The following CACNA1E variants were observed in gnomAD, a reference collection of about 807,000 sequenced individuals.
The protein encoded by CACNA1E is voltage-dependent R-type calcium channel subunit alpha-1E.
In CACNA1E, 40 loss-of-function variants were observed where a neutral mutation model predicts 259.2. The ratio of observed to expected loss-of-function variants is 0.15; its 90% confidence interval spans 0.12 to 0.20. The LOEUF is 0.20. Ranked by LOEUF, CACNA1E falls within the 10% of genes least tolerant of loss-of-function variation. CACNA1E has a pLI of 1.00. For synonymous variants in CACNA1E, 1,104 were observed against 1,138.5 expected, an observed-to-expected ratio of 0.97 and a Z score of 0.61; for missense variants, 1,874 against 3,040.1, an observed-to-expected ratio of 0.62 and a Z score of 9.02.
At chr1:181,639,892 G>A (rs1473401667) in intron 6 of CACNA1E, among the ~76,000 whole-genome samples, 1 of 152,142 alleles carries the variant, frequency 6.6e-6, no homozygotes, top group Non-Finnish European at 1.5e-5. Flanking sequence ...AAGAGAAGGG[G>A]GTTGGGAATG....
At chr1:181,562,896 C>A (rs1649461377) in intron 3 of CACNA1E, among the ~76,000 whole-genome samples, 1 of 152,162 alleles carries the variant, frequency 6.6e-6, no homozygotes, top group East Asian at 1.9e-4. Flanking sequence ...GCTTGCATAG[C>A]TCTATCAAAT....
chr1:181,519,401 T>C (rs1447030022), intron 3 of CACNA1E, among the ~76,000 whole-genome samples: 1 of 151,964 alleles, frequency 6.6e-6, no homozygotes, highest in Non-Finnish European at 1.5e-5. Flanking sequence ...ATATAATGAG[T>C]GCAGAGTGGT....
upstream of CACNA1E, among the ~76,000 whole-genome samples, chr1:181,479,674 C>T (rs2102446907): frequency 6.6e-6 from 1 of 152,290 alleles, no homozygotes; most frequent in South Asian, 2.1e-4. Context: ...GGATGGTAAG[C>T]ATAGCATTTC....
intron 3 of CACNA1E, among the ~76,000 whole-genome samples, chr1:181,520,808 G>A (rs1184868099): frequency 2.0e-5 from 3 of 152,084 alleles, no homozygotes; most frequent in Admixed American, 6.5e-5. Context: ...TTCTAACAAG[G>A]AAAATGTTAC....
chr1:181,736,575 G>C (rs1572747102), intron 22 of CACNA1E, 141 bp downstream of exon 22: 1 of 765,986 alleles, frequency 1.3e-6, no homozygotes, highest in East Asian at 2.7e-5. Context: ...CAGACATTGA[G>C]CATCTGGGGT....
At chr1:181,539,229 C>T (rs537656076) in intron 3 of CACNA1E, among the ~76,000 whole-genome samples, 5 of 152,192 alleles carry the variant, frequency 3.3e-5, no homozygotes, top group African/African-American at 1.2e-4. Context: ...CTTCACTCAC[C>T]CAGTTGACAT....
intron 46 of CACNA1E, among the ~76,000 whole-genome samples, chr1:181,796,251 CCTAT>C (rs1247476654): frequency 6.6e-6 from 1 of 152,126 alleles, no homozygotes; most frequent in Non-Finnish European, 1.5e-5. Flanking sequence ...CTTTTAGGGG[CCTAT>C]CTTTTTTCAG....
At chr1:181,472,402 CTA>C (rs767296176) in intron 2 of CACNA1E, among the ~76,000 whole-genome samples, 29 of 152,314 alleles carry the variant, frequency 1.9e-4, no homozygotes, top group Admixed American at 4.6e-4. Flanking sequence ...AAAAAAGTAA[CTA>C]TGTGAGATAA....
intron 3 of CACNA1E, among the ~76,000 whole-genome samples, chr1:181,521,606 C>T (rs1019101435): frequency 2.6e-5 from 4 of 152,138 alleles, no homozygotes; most frequent in Admixed American, 6.5e-5. Context: ...CTGCTAGGGA[C>T]GCAGCACTGG....
intron 1 of CACNA1E, among the ~76,000 whole-genome samples, chr1:181,491,584 A>G (rs984946093): frequency 5.3e-5 from 8 of 152,216 alleles, no homozygotes; most frequent in Non-Finnish European, 7.3e-5. Flanking sequence ...CTCATTTACC[A>G]GCTAAAGCCC....
chr1:181,565,156 A>G (rs572487075), intron 3 of CACNA1E, among the ~76,000 whole-genome samples: 1 of 152,278 alleles, frequency 6.6e-6, no homozygotes, highest in African/African-American at 2.4e-5. Flanking sequence ...CAGTTTTACC[A>G]TCTTTCACTT....
At chr1:181,722,761 G>A (rs1463014659) in intron 16 of CACNA1E, among the ~76,000 whole-genome samples, 2 of 152,126 alleles carry the variant, frequency 1.3e-5, no homozygotes, top group Non-Finnish European at 2.9e-5. Flanking sequence ...CAGAACCATG[G>A]GACGCAGGTG....
chr1:181,794,194 T>A (rs1379115738), intron 45 of CACNA1E, among the ~76,000 whole-genome samples: 1 of 152,250 alleles, frequency 6.6e-6, no homozygotes, highest in Non-Finnish European at 1.5e-5. Context: ...AGGCCACATC[T>A]CATTTCTTTG....
intron 3 of CACNA1E, among the ~76,000 whole-genome samples, chr1:181,565,252 A>G (rs1649703253): frequency 6.6e-6 from 1 of 152,222 alleles, no homozygotes; most frequent in African/African-American, 2.4e-5. Context: ...GACTAGTTTG[A>G]GCAAGGAGGT....
At chr1:181,661,726 A>G (rs908292126) in intron 7 of CACNA1E, among the ~76,000 whole-genome samples, 18 of 152,336 alleles carry the variant, frequency 1.2e-4, no homozygotes, top group Middle Eastern at 6.8e-3. Context: ...CACATGACAC[A>G]TATTGTCTCA....
At chr1:181,370,030 T>A (rs1413114420) in intron 1 of CACNA1E, among the ~76,000 whole-genome samples, 1 of 151,984 alleles carries the variant, frequency 6.6e-6, no homozygotes, top group Non-Finnish European at 1.5e-5. Flanking sequence ...TTTGTTTATT[T>A]TTTTTCACAG....
chr1:181,762,199 T>C (rs987984228), intron 32 of CACNA1E, among the ~76,000 whole-genome samples: 1 of 152,356 alleles, frequency 6.6e-6, no homozygotes, highest in Admixed American at 6.5e-5. Flanking sequence ...CATCAAGATA[T>C]AGCCATTAAA....
At chr1:181,662,544 C>G (rs1380251834) in intron 7 of CACNA1E, among the ~76,000 whole-genome samples, 1 of 152,144 alleles carries the variant, frequency 6.6e-6, no homozygotes, top group Admixed American at 6.5e-5. Flanking sequence ...CTTCAGTTAC[C>G]CAATTGTGAA....
chr1:181,522,056 G>T (rs568869614), intron 3 of CACNA1E, among the ~76,000 whole-genome samples: 8 of 152,326 alleles, frequency 5.3e-5, no homozygotes, highest in Non-Finnish European at 1.2e-4. Flanking sequence ...GAACAGATTT[G>T]CAGGAGAGGC....
Sources: allele counts gnomAD v4.1 joint callset (sites outside exome capture counted in the v4.1 genomes callset), GRCh38; gene constraint gnomAD v4.1.1; transcripts MANE v1.5; gene names NCBI Gene and HGNC (gene_info 2026-07-23, HGNC 2026-07-21).